The following SAMTOR variants were observed in gnomAD, a reference collection of about 807,000 sequenced individuals.
SAMTOR encodes UPF0532 protein C7orf60.
At chr7:112,929,747 T>A in the SAMTOR span, among the ~76,000 whole-genome samples, 1 of 152,024 alleles carries the variant, frequency 6.6e-6, no homozygotes, top group East Asian at 1.9e-4. Flanking sequence ...TGCAAAGAAG[T>A]ATGAGAAAAT....
At chr7:112,867,473 T>G in the SAMTOR span, among the ~76,000 whole-genome samples, 1 of 152,210 alleles carries the variant, frequency 6.6e-6, no homozygotes, top group Non-Finnish European at 1.5e-5. Context: ...GAATTTCATA[T>G]TACTCTTATA....
the SAMTOR span, chr7:112,820,827 T>G: frequency 6.6e-6 from 1 of 152,206 alleles, no homozygotes; most frequent in Non-Finnish European, 1.5e-5. Context: ...CGGCACCTCC[T>G]TAACGGAAAG....
At chr7:112,920,780 A>G in the SAMTOR span, among the ~76,000 whole-genome samples, 1 of 151,626 alleles carries the variant, frequency 6.6e-6, no homozygotes, top group African/African-American at 2.4e-5. Flanking sequence ...ATGTACAAAA[A>G]TCACAAGCAT....
the SAMTOR span, among the ~76,000 whole-genome samples, chr7:112,863,891 A>C: frequency 1.3e-5 from 2 of 152,198 alleles, no homozygotes; most frequent in Non-Finnish European, 2.9e-5. Flanking sequence ...TTTCCATCCC[A>C]TTACTGGGCA....
chr7:112,864,574 T>G, the SAMTOR span, among the ~76,000 whole-genome samples: 1 of 151,952 alleles, frequency 6.6e-6, no homozygotes, highest in South Asian at 2.1e-4. Context: ...GCTTAGAGAG[T>G]GACTGAGTAC....
At chr7:112,894,275 T>A in the SAMTOR span, among the ~76,000 whole-genome samples, 5 of 152,258 alleles carry the variant, frequency 3.3e-5, no homozygotes, top group South Asian at 8.3e-4. Context: ...TGACATTTAT[T>A]GAATAAGTTC....
the SAMTOR span, among the ~76,000 whole-genome samples, chr7:112,868,379 G>A: frequency 2.6e-5 from 4 of 152,338 alleles, no homozygotes; most frequent in African/African-American, 7.2e-5. Context: ...GAGAAGGCAA[G>A]CCAGCAATCC....
At chr7:112,849,503 T>C in the SAMTOR span, among the ~76,000 whole-genome samples, 3 of 152,190 alleles carry the variant, frequency 2.0e-5, no homozygotes, top group African/African-American at 4.8e-5. Flanking sequence ...TATACAATTT[T>C]AGAGGACTCT....
chr7:112,850,496 A>C, the SAMTOR span, among the ~76,000 whole-genome samples: 1 of 152,238 alleles, frequency 6.6e-6, no homozygotes, highest in South Asian at 2.1e-4. Flanking sequence ...TTCTTTGTGC[A>C]TCTGGTAGAG....
the SAMTOR span, among the ~76,000 whole-genome samples, chr7:112,865,318 A>C: frequency 3.3e-5 from 5 of 151,766 alleles, no homozygotes; most frequent in African/African-American, 1.2e-4. Flanking sequence ...TCTCTCTGTC[A>C]CCAGGCTGGA....
chr7:112,840,501 A>G, the SAMTOR span, among the ~76,000 whole-genome samples: 12 of 151,956 alleles, frequency 7.9e-5, no homozygotes, highest in African/African-American at 2.6e-4. Context: ...TGCAACTCCA[A>G]TAAAGATGAA....
chr7:112,850,473 T>C, the SAMTOR span, among the ~76,000 whole-genome samples: 5 of 152,172 alleles, frequency 3.3e-5, no homozygotes, highest in South Asian at 2.1e-4. Flanking sequence ...ATCAGTAAGA[T>C]TGGTACCAGT....
chr7:112,861,856 T>G, the SAMTOR span, among the ~76,000 whole-genome samples: 2 of 145,426 alleles, frequency 1.4e-5, no homozygotes, highest in Non-Finnish European at 3.0e-5. Flanking sequence ...ATTTTAATCC[T>G]TTGTTTTTCT....
the SAMTOR span, among the ~76,000 whole-genome samples, chr7:112,877,735 C>T: frequency 6.6e-6 from 1 of 152,084 alleles, no homozygotes; most frequent in Admixed American, 6.5e-5. Context: ...GGGCAGACCC[C>T]TCATGAATTA....
At chr7:112,866,252 T>C in the SAMTOR span, among the ~76,000 whole-genome samples, 2 of 152,160 alleles carry the variant, frequency 1.3e-5, no homozygotes, top group Non-Finnish European at 2.9e-5. Context: ...ATATAATAAA[T>C]GTATAATACT....
At chr7:112,890,031 TGGA>T in the SAMTOR span, among the ~76,000 whole-genome samples, 1 of 152,110 alleles carries the variant, frequency 6.6e-6, no homozygotes, top group Admixed American at 6.6e-5. Context: ...AGCTGCAGAA[TGGA>T]GGACTAGTCA....
chr7:112,938,882 C>T, the SAMTOR span, among the ~76,000 whole-genome samples: 1 of 152,232 alleles, frequency 6.6e-6, no homozygotes, highest in East Asian at 1.9e-4. Flanking sequence ...GCTTTATCGG[C>T]AGGTGTCTTT....
the SAMTOR span, among the ~76,000 whole-genome samples, chr7:112,922,170 C>T: frequency 3.3e-5 from 5 of 152,214 alleles, no homozygotes; most frequent in Non-Finnish European, 7.3e-5. Flanking sequence ...GTTGGCCGGG[C>T]TGGTCTCCAG....
chr7:112,899,223 A>T, the SAMTOR span, among the ~76,000 whole-genome samples: 1 of 152,132 alleles, frequency 6.6e-6, no homozygotes, highest in Admixed American at 6.5e-5. Flanking sequence ...CTTTCAGGGA[A>T]ATTTAACAAA....
Sources: gnomAD v4.1 joint callset for allele counts (sites outside exome capture counted in the v4.1 genomes callset) on GRCh38, gnomAD v4.1.1 for gene constraint, MANE v1.5 for transcripts, NCBI Gene and HGNC (gene_info 2026-07-23, HGNC 2026-07-21) for gene names.